Variants in EXOC4 observed in about 807,000 individuals in gnomAD.
EXOC4 encodes exocyst complex component 4.
A neutral mutation model predicts 107.2 loss-of-function variants in EXOC4; 71 were observed. That is an observed-to-expected ratio of 0.66 (90% confidence interval 0.55 to 0.81). The LOEUF (loss-of-function observed/expected upper bound fraction) is 0.81, where lower values mean the gene tolerates loss of function less well. EXOC4 is among the 30% of genes least tolerant of loss of function. EXOC4 has a pLI of 0.00. For synonymous variants in EXOC4, 456 were observed against 441.2 expected, an observed-to-expected ratio of 1.03 and a Z score of -0.42; for missense variants, 1,108 against 1,189.6, an observed-to-expected ratio of 0.93 and a Z score of 1.01.
chr7:133,258,625 A>T lies in EXOC4; in HGVS notation c.86+5438A>T, dbSNP rs141124969. 9.9e-5 allele frequency among the ~76,000 whole-genome samples: 15 copies of T among 152,276 alleles called. No homozygotes were observed. In the East Asian group the frequency reaches 2.7e-3, roughly 27 times the overall value. On this transcript the variant is annotated intron_variant, in intron 1 of 17. Transcript: ENST00000253861. ...TCATTTCCTCCTTTCTAGGATCTGT[A>T]GCCTCTTCTGTTAAGAAGATTCTTT... is the stretch of plus-strand genomic sequence containing the variant.
chr7:133,408,696 TG>T (rs1797284806), intron 7 of EXOC4, among the ~76,000 whole-genome samples: 1 of 152,136 alleles, frequency 6.6e-6, no homozygotes, highest in East Asian at 1.9e-4. Flanking sequence ...GCCTATTAAG[TG>T]GCAGAGCTTG....
chr7:133,505,016 G>T (rs1799642388), intron 9 of EXOC4, among the ~76,000 whole-genome samples: 1 of 152,092 alleles, frequency 6.6e-6, no homozygotes, highest in Non-Finnish European at 1.5e-5. Flanking sequence ...TTGAAATGTT[G>T]TGAGTCATCT....
chr7:133,455,147 CAAT>C (rs1157758273), intron 7 of EXOC4, among the ~76,000 whole-genome samples: 4 of 151,900 alleles, frequency 2.6e-5, no homozygotes, highest in Admixed American at 1.3e-4. Context: ...AAATTAACAA[CAAT>C]AACTAATAAT....
intron 10 of EXOC4, among the ~76,000 whole-genome samples, chr7:133,741,179 C>T (rs1203046948): frequency 5.9e-5 from 9 of 152,254 alleles, no homozygotes; most frequent in East Asian, 1.9e-4. Context: ...CTTTACTCTT[C>T]ACTTTGTCTC....
intron 1 of EXOC4, among the ~76,000 whole-genome samples, chr7:133,270,392 T>C (rs1160572207): frequency 6.6e-6 from 1 of 152,160 alleles, no homozygotes; most frequent in Non-Finnish European, 1.5e-5. Flanking sequence ...ACATAGTAAG[T>C]TCTATGTGAG....
At chr7:133,575,841 A>T (rs1271018665) in intron 9 of EXOC4, among the ~76,000 whole-genome samples, 6 of 152,096 alleles carry the variant, frequency 3.9e-5, no homozygotes, top group African/African-American at 1.4e-4. Context: ...CCTTGGTCCC[A>T]TAAGGCCAGT....
intron 10 of EXOC4, among the ~76,000 whole-genome samples, chr7:133,631,132 G>A (rs1454156868): frequency 6.6e-6 from 1 of 152,022 alleles, no homozygotes; most frequent in Non-Finnish European, 1.5e-5. Flanking sequence ...TATCAATTGT[G>A]TGTTTTCTCT....
chr7:133,493,452 A>G (rs535957072), intron 9 of EXOC4, among the ~76,000 whole-genome samples: 2 of 152,250 alleles, frequency 1.3e-5, no homozygotes, highest in African/African-American at 4.8e-5. Context: ...AAAACAAAAC[A>G]AAAAACTGTG....
chr7:133,576,375 G>A, intron 9 of EXOC4: 1 of 868,558 alleles, frequency 1.2e-6, no homozygotes, highest in Non-Finnish European at 1.5e-6. Context: ...TGGTTGGCTT[G>A]TTTCTTTCAT....
At chr7:134,082,988 G>T in the EXOC4 span, among the ~76,000 whole-genome samples, 1 of 152,186 alleles carries the variant, frequency 6.6e-6, no homozygotes, top group Non-Finnish European at 1.5e-5. Context: ...TGTTACTGAG[G>T]GGACAGGGAG....
intron 11 of EXOC4, among the ~76,000 whole-genome samples, chr7:133,881,019 T>C (rs1177975803): frequency 6.6e-6 from 1 of 152,214 alleles, no homozygotes; most frequent in Non-Finnish European, 1.5e-5. Flanking sequence ...TTGTTTGTTA[T>C]ATAAGTATAT....
chr7:133,957,535 T>G (rs970436362), intron 14 of EXOC4, among the ~76,000 whole-genome samples: 15 of 152,214 alleles, frequency 9.9e-5, no homozygotes, highest in Admixed American at 2.0e-4. Flanking sequence ...CTTTGGAAAG[T>G]CAAGATTCTT....
intron 11 of EXOC4, among the ~76,000 whole-genome samples, chr7:133,871,367 G>A (rs1162381972): frequency 6.6e-6 from 1 of 151,974 alleles, no homozygotes; most frequent in East Asian, 1.9e-4. Context: ...AGAGCTGCTT[G>A]TCAAAACATT....
At chr7:133,375,351 C>T (rs1389825447) in intron 7 of EXOC4, among the ~76,000 whole-genome samples, 1 of 152,056 alleles carries the variant, frequency 6.6e-6, no homozygotes, top group Non-Finnish European at 1.5e-5. Flanking sequence ...TGGCGGGCGC[C>T]TGTAATCTCA....
intron 9 of EXOC4, among the ~76,000 whole-genome samples, chr7:133,547,592 C>T (rs1185703034): frequency 1.3e-5 from 2 of 152,182 alleles, no homozygotes; most frequent in South Asian, 2.1e-4. Context: ...GCTGTCACTG[C>T]TTTATCAATT....
intron 10 of EXOC4, among the ~76,000 whole-genome samples, chr7:133,711,851 C>A (rs1794899354): frequency 6.6e-6 from 1 of 152,144 alleles, no homozygotes; most frequent in Admixed American, 6.5e-5. Flanking sequence ...TACTCACTGT[C>A]TTACCATGCC....
chr7:133,841,740 T>C (rs1798028392), intron 11 of EXOC4, among the ~76,000 whole-genome samples: 1 of 152,208 alleles, frequency 6.6e-6, no homozygotes, highest in African/African-American at 2.4e-5. Flanking sequence ...AGGGGTTTGA[T>C]ATACAGATTA....
At chr7:133,807,960 G>A (rs1228044557) in intron 10 of EXOC4, among the ~76,000 whole-genome samples, 1 of 152,076 alleles carries the variant, frequency 6.6e-6, no homozygotes, top group African/African-American at 2.4e-5. Flanking sequence ...TTATAAGCCT[G>A]CAGCGTCCAA....
rs547973747 is a variant in EXOC4 at position 133,318,772 on chromosome 7, A to G, written c.763+1382A>G. On this transcript the variant is annotated intron_variant, in intron 5 of 17. Coordinates refer to ENST00000253861, the MANE Select transcript of EXOC4 (RefSeq NM_021807.4). ...TAGGCTTGGAATCTTCAAGTTTATT[A>G]CTTTAACTACAGGAAAGTATAGAAT... 3.3e-5 allele frequency among the ~76,000 whole-genome samples: 5 copies of G among 152,324 alleles called. 1 individual carries two copies. Among genetic ancestry groups the G allele is most frequent in the Admixed American group, 2.6e-4 (4 of 15,308 alleles).
Sources: gnomAD v4.1 joint callset for allele counts (sites outside exome capture counted in the v4.1 genomes callset) on GRCh38, gnomAD v4.1.1 for gene constraint, MANE v1.5 for transcripts, NCBI Gene and HGNC (gene_info 2026-07-23, HGNC 2026-07-21) for gene names.